Variants in SLC9A9 observed in about 807,000 individuals in gnomAD.
The protein encoded by SLC9A9 is sodium/hydrogen exchanger 9.
A neutral mutation model predicts 77.8 loss-of-function variants in SLC9A9; 62 were observed. The ratio of observed to expected loss-of-function variants is 0.80; its 90% CI spans 0.65 to 0.98. The LOEUF is 0.98. Among genes scored for constraint, SLC9A9 ranks in the 50% least tolerant of loss-of-function variants. The pLI is 0.00. For missense variants in SLC9A9, 775 were observed against 774.9 expected, an observed-to-expected ratio of 1.00 and a Z score of 0.00; for synonymous variants, 320 against 283.5, an observed-to-expected ratio of 1.13 and a Z score of -1.29.
intron 9 of SLC9A9, among the ~76,000 whole-genome samples, chr3:143,524,252 C>A (rs1174345486): frequency 6.6e-6 from 1 of 151,128 alleles, no homozygotes; most frequent in Non-Finnish European, 1.5e-5. Context: ...GAAAGGATGA[C>A]CCAACTCACT....
intron 1 of SLC9A9, among the ~76,000 whole-genome samples, chr3:143,846,526 T>TC (rs1359003666): frequency 6.6e-6 from 1 of 152,066 alleles, no homozygotes; most frequent in Non-Finnish European, 1.5e-5. Context: ...ATTTTTTTTT[T>TC]CTCTTAAATG....
At chr3:143,336,086 G>A (rs1332340391) in intron 14 of SLC9A9, among the ~76,000 whole-genome samples, 1 of 152,136 alleles carries the variant, frequency 6.6e-6, no homozygotes, top group Non-Finnish European at 1.5e-5. Flanking sequence ...ATTGGAAAAT[G>A]GGCAAAGGGC....
chr3:143,796,184 A>G (rs990074721), intron 3 of SLC9A9, among the ~76,000 whole-genome samples: 1 of 152,220 alleles, frequency 6.6e-6, no homozygotes, highest in Non-Finnish European at 1.5e-5. Flanking sequence ...GTGCATAGTC[A>G]GGCCGTGCTC....
At chr3:143,833,416 G>T (rs145053620) in intron 1 of SLC9A9, among the ~76,000 whole-genome samples, 1 of 152,170 alleles carries the variant, frequency 6.6e-6, no homozygotes, top group Non-Finnish European at 1.5e-5. Context: ...TGCTATGACC[G>T]CTGGGAAGCA....
chr3:143,645,096 T>C (rs1425562080), intron 6 of SLC9A9, among the ~76,000 whole-genome samples: 1 of 152,166 alleles, frequency 6.6e-6, no homozygotes, highest in Non-Finnish European at 1.5e-5. Context: ...ACATGAAATA[T>C]CTATCTCTGG....
At chr3:143,454,545 G>T (rs938355356) in intron 12 of SLC9A9, among the ~76,000 whole-genome samples, 1 of 152,094 alleles carries the variant, frequency 6.6e-6, no homozygotes, top group Non-Finnish European at 1.5e-5. Flanking sequence ...TACGGATATT[G>T]TATTAGGTTT....
At chr3:143,719,477 C>A (rs577345304) in intron 4 of SLC9A9, among the ~76,000 whole-genome samples, 1 of 152,234 alleles carries the variant, frequency 6.6e-6, no homozygotes, top group Non-Finnish European at 1.5e-5. Flanking sequence ...TAAAAGAGTT[C>A]TGGATCCTCA....
chr3:143,400,622 A>G (rs1186441194), intron 12 of SLC9A9, among the ~76,000 whole-genome samples: 1 of 151,940 alleles, frequency 6.6e-6, no homozygotes, highest in African/African-American at 2.4e-5. Flanking sequence ...AAATCTCACA[A>G]ATCACCACAA....
At chr3:143,566,393 C>T (rs532502144) in intron 8 of SLC9A9, among the ~76,000 whole-genome samples, 37 of 152,214 alleles carry the variant, frequency 2.4e-4, no homozygotes, top group African/African-American at 8.7e-4. Flanking sequence ...GTGCTGAGCA[C>T]TTCTTTCTTT....
chr3:143,589,153 T>G (rs974821968), intron 6 of SLC9A9, among the ~76,000 whole-genome samples: 1 of 152,230 alleles, frequency 6.6e-6, no homozygotes, highest in Non-Finnish European at 1.5e-5. Flanking sequence ...ATTCCCTGTA[T>G]TCATTTCTAT....
At chr3:143,846,516 AT>A (rs571340847) in intron 1 of SLC9A9, among the ~76,000 whole-genome samples, 18 of 149,590 alleles carry the variant, frequency 1.2e-4, no homozygotes, top group East Asian at 3.9e-4. Context: ...CCTGATTGTG[AT>A]TTTTTTTTTC....
chr3:143,404,828 C>T (rs552284175), intron 12 of SLC9A9, among the ~76,000 whole-genome samples: 1 of 152,236 alleles, frequency 6.6e-6, no homozygotes, highest in Non-Finnish European at 1.5e-5. Flanking sequence ...TTGCCTTGTG[C>T]AGCCTCTGAT....
rs774106638 is a variant in SLC9A9, at chr3:143,796,846, C to A, written c.436G>T (p.Ala146Ser). The change falls in exon 3 of 16, where the codon GCA becomes TCA. Residue 146 changes from alanine to serine, a missense_variant. By Grantham distance (99) the Ala-to-Ser change is moderately conservative (BLOSUM62 1). Transcript: ENST00000316549. ...NVLLPPIIFH[A>S]GYSLKKRHFF... ...TTTACCTTCTTTAGACTATATCCTG[C>A]ATGAAATATAATTGGTGGCAGTAAA... The A allele has an allele frequency of 6.8e-6, 11 of 1,609,846 alleles. No homozygotes were observed. In the South Asian group the frequency reaches 1.2e-4, roughly 18 times the overall value.
chr3:143,402,645 A>T (rs745584249), intron 12 of SLC9A9, among the ~76,000 whole-genome samples: 1 of 151,476 alleles, frequency 6.6e-6, no homozygotes, highest in Non-Finnish European at 1.5e-5. Context: ...TCATAAGTCT[A>T]TTTGTCTGAT....
intron 10 of SLC9A9, 58 bp from the exon 11 acceptor site, chr3:143,493,822 C>T: frequency 7.9e-7 from 1 of 1,264,622 alleles, no homozygotes; most frequent in Non-Finnish European, 1.2e-6. Context: ...TGGTTTGAAT[C>T]CTTGAGCTTA....
At chr3:143,578,810 C>A in intron 6 of SLC9A9, 87 bp from the exon 7 acceptor site, 4 of 1,505,406 alleles carry the variant, frequency 2.7e-6, no homozygotes, top group Non-Finnish European at 2.8e-6. Flanking sequence ...GGAGAGGTAT[C>A]TTTCCCTGTA....
chr3:143,763,452 T>C (rs759807682), intron 4 of SLC9A9, among the ~76,000 whole-genome samples: 5 of 152,220 alleles, frequency 3.3e-5, no homozygotes, highest in Non-Finnish European at 5.9e-5. Context: ...AAATAATTGA[T>C]GTGTTATTTT....
chr3:143,695,808 A>C (rs1384532670), intron 4 of SLC9A9, among the ~76,000 whole-genome samples: 2 of 152,116 alleles, frequency 1.3e-5, no homozygotes, highest in Non-Finnish European at 2.9e-5. Context: ...ACAGTGTAAA[A>C]GCAGCTGTTG....
At chr3:143,420,115 C>T (rs770217176) in intron 12 of SLC9A9, among the ~76,000 whole-genome samples, 1 of 152,156 alleles carries the variant, frequency 6.6e-6, no homozygotes, top group Admixed American at 6.5e-5. Context: ...TGACAGTGGG[C>T]TGAACAGAAA....
Sources: allele counts gnomAD v4.1 joint callset (sites outside exome capture counted in the v4.1 genomes callset), GRCh38; gene constraint gnomAD v4.1.1; transcripts MANE v1.5; gene names NCBI Gene and HGNC (gene_info 2026-07-23, HGNC 2026-07-21).